Variants in EEA1 observed in about 807,000 individuals in gnomAD.
The protein encoded by EEA1 is early endosome antigen 1, 162kD.
EEA1 carries 111 observed loss-of-function variants against 209.2 expected under a neutral mutation model. The observed-to-expected ratio is 0.53, with a 90% CI of 0.45 to 0.62. The LOEUF (loss-of-function observed/expected upper bound fraction) is 0.62, where lower values mean the gene tolerates loss of function less well. Among genes scored for constraint, EEA1 ranks in the 20% least tolerant of loss-of-function variants. The pLI is 0.00. For missense variants in EEA1, 1,343 were observed against 1,530.8 expected (o/e 0.88, Z 2.05); for synonymous variants, 536 against 540.6 (o/e 0.99, Z 0.12).
At chr12:92,784,917 G>A (rs1467998902) in intron 22 of EEA1, among the ~76,000 whole-genome samples, 1 of 150,618 alleles carries the variant, frequency 6.6e-6, no homozygotes, top group Non-Finnish European at 1.5e-5. Context: ...TACCAACCTT[G>A]ACCCTGATTA....
At chr12:92,782,429 A>T (rs17790352) in intron 22 of EEA1, among the ~76,000 whole-genome samples, 38,505 of 152,056 alleles carry the variant, frequency 0.25, 5,338 homozygotes, top group Non-Finnish European at 0.32. Flanking sequence ...CACATCTTCA[A>T]TATTGGCTAG....
intron 2 of EEA1, among the ~76,000 whole-genome samples, chr12:92,866,486 TA>T (rs1878402146): frequency 6.6e-6 from 1 of 152,030 alleles, no homozygotes; most frequent in South Asian, 2.1e-4. Context: ...TAAGTTTTAT[TA>T]GAATGTACAG....
At chr12:92,921,557 C>T (rs1880995871) in intron 1 of EEA1, among the ~76,000 whole-genome samples, 1 of 119,490 alleles carries the variant, frequency 8.4e-6, no homozygotes, top group African/African-American at 3.4e-5. Flanking sequence ...AATGAGATCA[C>T]ATGGACACAG....
intron 18 of EEA1, among the ~76,000 whole-genome samples, chr12:92,807,810 T>G (rs762471277): frequency 6.6e-6 from 1 of 152,122 alleles, no homozygotes; most frequent in Non-Finnish European, 1.5e-5. Flanking sequence ...GTTTGTGTAT[T>G]AGAAGACTCA....
chr12:92,854,876 T>C (rs1253177703), intron 5 of EEA1, among the ~76,000 whole-genome samples: 5 of 152,228 alleles, frequency 3.3e-5, no homozygotes, highest in African/African-American at 9.6e-5. Flanking sequence ...ACTTTAATAA[T>C]TTTGGAACTC....
intron 11 of EEA1, among the ~76,000 whole-genome samples, chr12:92,832,070 G>A (rs996544555): frequency 6.7e-6 from 1 of 149,676 alleles, no homozygotes; most frequent in African/African-American, 2.5e-5. Context: ...GTCCGGCCTG[G>A]GCGACAGAGC....
chr12:92,915,118 T>C (rs1592776409), intron 1 of EEA1, among the ~76,000 whole-genome samples: 1 of 152,156 alleles, frequency 6.6e-6, no homozygotes, highest in East Asian at 1.9e-4. Flanking sequence ...ACACTATAAA[T>C]AGACACATAT....
In EEA1 at chr12:92,774,852, A is replaced by C. The variant is rs566992274; in HGVS notation, c.*1159T>G. 7.2e-5 allele frequency: 11 copies of C among 151,846 alleles called. No individual in the cohort carries two copies. In the South Asian group the frequency reaches 1.7e-3, roughly 23 times the overall value. 9.4% of individuals were successfully genotyped at this position (151,846 alleles called of 1,614,324 possible). A position where few individuals can be genotyped will look rare whatever the true frequency, so the allele number is the denominator to read the frequency against. ...ACCATTTTAACTTTAAGTCAATTTT[A>C]CAACTTTTAAAAATTCTTCCCAATA... On this transcript the variant is annotated 3_prime_UTR_variant, in exon 29 of 29. Coordinates refer to ENST00000322349, the MANE Select transcript of EEA1 (RefSeq NM_003566.4).
chr12:92,907,813 T>C lies in EEA1; in HGVS notation c.25-16092A>G, dbSNP rs532377084. Among the ~76,000 whole-genome samples the C allele has an allele frequency of 3.9e-5, 6 of 152,230 alleles. No homozygotes were observed. In the East Asian group the frequency reaches 7.7e-4, roughly 20 times the overall value. Reference sequence around the variant, plus strand: ...TCAAGAACTTCAGTTAAAACCTAAATGAACTATTAACCAGGCATGGTGATG... The same window carrying C: ...TCAAGAACTTCAGTTAAAACCTAAACGAACTATTAACCAGGCATGGTGATG... On this transcript the variant is annotated intron_variant, in intron 1 of 28. Transcript: ENST00000322349.
At chr12:92,919,809 C>T in intron 1 of EEA1, among the ~76,000 whole-genome samples, 1 of 55,708 alleles carries the variant, frequency 1.8e-5, no homozygotes, top group Admixed American at 2.2e-4. Flanking sequence ...GTCAAATTGT[C>T]CCTGTTTGCA....
At chr12:92,835,318 G>C in intron 10 of EEA1, 1 of 257,210 alleles carries the variant, frequency 3.9e-6, no homozygotes, top group Non-Finnish European at 7.8e-6. Context: ...TAATGAGTTA[G>C]AGTCTTCTTC....
Position 92,852,952 on chromosome 12 carries a change from T to C in EEA1, c.480A>G (p.Leu160=). 1 of 1,612,602 alleles carries C rather than the reference T, an allele frequency of 6.2e-7. No homozygotes were observed. ...CAAGTTGGGCTGCTTTCTGTTCAAA[T>C]AAGTCTTTCATTTGCTTAATATTAA... The part of the protein sequence containing the change: ...ENFNIKQMKD[L]FEQKAAQLAT... The change falls in exon 7 of 29, where the codon TTA becomes TTG. Residue 160 remains leucine (L), a synonymous_variant. Coordinates refer to ENST00000322349, the MANE Select transcript of EEA1 (RefSeq NM_003566.4).
At chr12:92,793,625 T>C (rs916054848) in intron 21 of EEA1, among the ~76,000 whole-genome samples, 2 of 152,088 alleles carry the variant, frequency 1.3e-5, no homozygotes, top group African/African-American at 2.4e-5. Context: ...CTCAATGAAA[T>C]AGAAGAGGAC....
chr12:92,865,123 A>T (rs1878320464), intron 2 of EEA1, 136 bp from the exon 3 acceptor site: 3 of 586,510 alleles, frequency 5.1e-6, no homozygotes, highest in Non-Finnish European at 8.0e-6. Flanking sequence ...TATGGTATTA[A>T]TCCCAAATTC....
intron 13 of EEA1, 137 bp from the exon 14 acceptor site, chr12:92,819,648 G>T: frequency 1.8e-6 from 1 of 540,742 alleles, no homozygotes. Flanking sequence ...ATTTCAATAT[G>T]GTAAATTTAG....
At chr12:92,784,320 G>C (rs1874035680) in intron 22 of EEA1, among the ~76,000 whole-genome samples, 1 of 152,170 alleles carries the variant, frequency 6.6e-6, no homozygotes, top group African/African-American at 2.4e-5. Flanking sequence ...GTGGAGTGGG[G>C]TTTACAGAAG....
chr12:92,813,705 T>C (rs1355764434), intron 15 of EEA1, among the ~76,000 whole-genome samples: 1 of 152,146 alleles, frequency 6.6e-6, no homozygotes, highest in African/African-American at 2.4e-5. Flanking sequence ...TTAGTACAAC[T>C]CACCTCGAAT....
chr12:92,925,309 G>C (rs1362495969), intron 1 of EEA1, among the ~76,000 whole-genome samples: 2 of 152,068 alleles, frequency 1.3e-5, no homozygotes, highest in African/African-American at 4.8e-5. Context: ...CTGCCTCCCA[G>C]GTTCAAGCAA....
chr12:92,895,811 T>C (rs1470478931), intron 1 of EEA1, among the ~76,000 whole-genome samples: 2 of 152,130 alleles, frequency 1.3e-5, no homozygotes, highest in African/African-American at 4.8e-5. Flanking sequence ...ACATTTGTGA[T>C]TCATGGGAGG....
Sources: allele counts gnomAD v4.1 joint callset (sites outside exome capture counted in the v4.1 genomes callset), GRCh38; gene constraint gnomAD v4.1.1; transcripts MANE v1.5; gene names NCBI Gene and HGNC (gene_info 2026-07-23, HGNC 2026-07-21).